Variants in SSBP1 observed in about 807,000 individuals in gnomAD.
SSBP1 encodes the protein single-stranded DNA-binding protein, mitochondrial.
Under a neutral mutation model 27.0 loss-of-function variants are expected in SSBP1, and 20 were observed. The observed-to-expected ratio is 0.74, with a 90% CI of 0.52 to 1.08. SSBP1 has a LOEUF of 1.08. Ranked by LOEUF, SSBP1 falls within the 50% of genes least tolerant of loss-of-function variation. The pLI is 0.00. For missense variants in SSBP1, 137 were observed against 182.4 expected, an observed-to-expected ratio of 0.75 and a Z score of 1.44; for synonymous variants, 59 against 59.3, an observed-to-expected ratio of 1.00 and a Z score of 0.02.
At chr7:141,738,604 T>C (rs12670074) in intron 1 of SSBP1, 194 bp downstream of exon 1, 5,443 of 152,596 alleles carry the variant, frequency 0.036, 225 homozygotes, top group South Asian at 0.15. Context: ...GTAAAGGGTG[T>C]CCACCTCTCC....
intron 6 of SSBP1, among the ~76,000 whole-genome samples, chr7:141,747,425 T>A (rs1360542960): frequency 6.8e-6 from 1 of 146,106 alleles, no homozygotes; most frequent in Non-Finnish European, 1.5e-5. Context: ...CGTCTCACTC[T>A]GTTGCCCCGG....
chr7:141,744,381 A>G (rs751667856), intron 5 of SSBP1, among the ~76,000 whole-genome samples: 19 of 152,240 alleles, frequency 1.2e-4, no homozygotes, highest in Admixed American at 7.2e-4. Context: ...TGGCTGCCAC[A>G]TGGTATTTCC....
chr7:141,745,720 ACT>A (rs1799757565), intron 6 of SSBP1, 136 bp downstream of exon 6: 3 of 1,402,382 alleles, frequency 2.1e-6, no homozygotes, highest in Non-Finnish European at 2.8e-6. Flanking sequence ...GATGTCCATA[ACT>A]CTTATTTCTC....
In SSBP1 at chr7:141,739,188, C is replaced by A. The variant is rs759996900; in HGVS notation, c.22C>A (p.Gln8Lys). 10 of 1,600,836 alleles carry A rather than the reference C, an allele frequency of 6.2e-6. No individual in the cohort carries two copies. The highest frequency in any genetic ancestry group is 6.8e-6 in the Non-Finnish European group (8 of 1,173,906). MFRRPVL[Q>K]VLRQFVRHES... is the part of the protein sequence containing the mutation. ...AGCCATGTTTCGAAGACCTGTATTA[C>A]AGGTAGTCACTTGTCTGTATTAATA... Residue 8 changes from glutamine (Q) to lysine (K), a missense_variant and splice_region_variant, in exon 2 of 7, where the codon CAG (glutamine) becomes AAG (lysine). Around this residue, in one of 2 missense-constraint regions of SSBP1, gnomAD observed 42 missense variants for 30.4 expected, o/e 1.38. Coordinates refer to ENST00000265304, the MANE Select transcript of SSBP1 (RefSeq NM_003143.3).
chr7:141,746,067 C>A, intron 6 of SSBP1: 1 of 771,468 alleles, frequency 1.3e-6, no homozygotes, highest in Non-Finnish European at 1.6e-6. Context: ...GTCACCCAGG[C>A]TGGAGTGCAA....
intron 6 of SSBP1, among the ~76,000 whole-genome samples, chr7:141,748,651 T>C (rs957665082): frequency 1.3e-5 from 2 of 152,240 alleles, no homozygotes; most frequent in Non-Finnish European, 2.9e-5. Flanking sequence ...TCAGATGATA[T>C]GCTGTTTTGT....
chr7:141,742,636 A>AAG (rs1563026227), intron 3 of SSBP1, among the ~76,000 whole-genome samples: 24 of 152,294 alleles, frequency 1.6e-4, no homozygotes, highest in Admixed American at 4.6e-4. Context: ...AAGATATCTT[A>AAG]AAGAATTTAA....
chr7:141,744,468 T>G (rs1799692956), intron 5 of SSBP1, among the ~76,000 whole-genome samples: 2 of 152,222 alleles, frequency 1.3e-5, no homozygotes, highest in African/African-American at 4.8e-5. Context: ...TTGATGATTT[T>G]CTGTAGGCTT....
rs749127979 is a variant in SSBP1 at position 141,750,343 on chromosome 7, G to T, written c.436G>T (p.Glu146Ter). The T allele has an allele frequency of 6.2e-7, 1 of 1,601,148 alleles. No individual in the cohort carries two copies. The highest frequency in any genetic ancestry group is 8.5e-7 in the Non-Finnish European group (1 of 1,176,086). ...NIIFLSDQTK[E>*]KE ...TATATTTCTGAGTGACCAGACGAAA[G>T]AGAAGGAGTAGAAAGGATGATTCTT... The change falls in exon 7 of 7, where the codon GAG becomes TAG. Residue 146 changes from glutamate to a stop codon, truncating the protein, a stop_gained. Coordinates refer to ENST00000265304, the MANE Select transcript of SSBP1 (RefSeq NM_003143.3). LOFTEE classifies it high-confidence loss of function.
Position 141,739,131 on chromosome 7 carries a change from C to G in SSBP1, c.-36C>G, listed in dbSNP as rs751646484. The stretch of plus-strand genomic sequence containing the variant: ...TTTGTTTTTTTCCTTCAGGAAAAGC[C>G]TAAAGATTAGACTGTAAGAAAAGAA... On this transcript the variant is annotated 5_prime_UTR_variant, in exon 2 of 7. Transcript: ENST00000265304. 4.5e-5 allele frequency: 70 copies of G among 1,565,862 alleles called. No individual in the cohort carries two copies. Among genetic ancestry groups the G allele is most frequent in the Non-Finnish European group, 5.9e-5 (68 of 1,161,588 alleles).
At chr7:141,743,191 A>G (rs1035021900) in intron 3 of SSBP1, among the ~76,000 whole-genome samples, 10 of 152,320 alleles carry the variant, frequency 6.6e-5, no homozygotes, top group Middle Eastern at 3.4e-3. Context: ...AGAGGCTGCT[A>G]TAAAAAAATA....
At chr7:141,748,054 A>G (rs936144480) in intron 6 of SSBP1, among the ~76,000 whole-genome samples, 2 of 149,754 alleles carry the variant, frequency 1.3e-5, no homozygotes, top group African/African-American at 4.9e-5. Flanking sequence ...TCAAACATGT[A>G]TAAGAGCAGA....
chr7:141,743,872 T>C (rs745872096), intron 4 of SSBP1, 30 bp from the exon 5 acceptor site: 1 of 1,596,126 alleles, frequency 6.3e-7, no homozygotes, highest in South Asian at 1.1e-5. Context: ...TGTTGGCATT[T>C]GTAACCAATT....
At chr7:141,742,462 A>C (rs533858741) in intron 3 of SSBP1, among the ~76,000 whole-genome samples, 11 of 152,298 alleles carry the variant, frequency 7.2e-5, no homozygotes, top group African/African-American at 2.2e-4. Flanking sequence ...ACTGTCCTGC[A>C]TAAGAATTTC....
Position 141,742,166 on chromosome 7 carries a change from T to TA in SSBP1, c.25-2dup. Reference sequence around the variant, plus strand: ...GCCATGTTATTCATTTGTTCTTCTTTAGGTACTTCGTCAGTTTGTAAGACA... The same window carrying TA: ...GCCATGTTATTCATTTGTTCTTCTTTAAGGTACTTCGTCAGTTTGTAAGACA... On this transcript the variant is annotated splice_polypyrimidine_tract_variant and splice_region_variant and intron_variant, in intron 2 of 6. Coordinates refer to ENST00000265304, the MANE Select transcript of SSBP1 (RefSeq NM_003143.3). 1 of 1,599,168 alleles carries TA rather than the reference T, an allele frequency of 6.3e-7. No homozygotes were observed. The highest frequency in any genetic ancestry group is 8.6e-7 in the Non-Finnish European group (1 of 1,167,966).
intron 2 of SSBP1, chr7:141,740,731 T>G (rs1367288035): frequency 1.3e-5 from 2 of 152,250 alleles, no homozygotes; most frequent in Non-Finnish European, 1.5e-5. Flanking sequence ...CCAAATTTAT[T>G]AGACCTTTTT....
chr7:141,742,456 T>G (rs1312355990), intron 3 of SSBP1, among the ~76,000 whole-genome samples: 1 of 152,210 alleles, frequency 6.6e-6, no homozygotes, highest in East Asian at 1.9e-4. Context: ...GTCAACACTG[T>G]CCTGCATAAG....
intron 6 of SSBP1, among the ~76,000 whole-genome samples, chr7:141,748,994 C>T (rs959083692): frequency 6.6e-5 from 10 of 152,098 alleles, no homozygotes; most frequent in Non-Finnish European, 1.5e-4. Flanking sequence ...TTTATAGTTA[C>T]AAGAATCTTT....
At position 141,745,977 on chromosome 7, in the gene SSBP1, T is replaced by A. The variant is rs912560159; in HGVS notation, c.403+393T>A. 5.0e-6 allele frequency: 5 copies of A among 997,612 alleles called. No individual in the cohort carries two copies. In the African/African-American group the frequency reaches 8.7e-5, roughly 17 times the overall value. The allele number at this position is 997,612 out of a possible 1,614,324, so 61.8% of individuals were successfully genotyped here. ...AGTGTGCAGATTTATTCGGAACCTC[T>A]TTGGTACTTAGTATGTGAAATTTCT... On this transcript the variant is annotated intron_variant, in intron 6 of 6. Coordinates refer to ENST00000265304, the MANE Select transcript of SSBP1 (RefSeq NM_003143.3).
Sources: allele counts gnomAD v4.1 joint callset (sites outside exome capture counted in the v4.1 genomes callset), GRCh38; gene constraint gnomAD v4.1.1; regional missense constraint gnomAD v4.1.1; transcripts MANE v1.5; gene names NCBI Gene and HGNC (gene_info 2026-07-23, HGNC 2026-07-21).